The following CEP128 variants were observed in gnomAD, a reference collection of about 807,000 sequenced individuals.
CEP128 encodes the protein centrosomal protein 128kDa.
Under a neutral mutation model 156.7 loss-of-function variants are expected in CEP128, and 132 were observed. That is an observed-to-expected ratio of 0.84 (90% CI 0.73 to 0.97). CEP128 has a LOEUF of 0.97. Among genes scored for constraint, CEP128 ranks in the 50% least tolerant of loss-of-function variants. The probability of loss-of-function intolerance (pLI) is 0.00; values close to 1 mark genes in which losing one functional copy is unlikely to be tolerated. For synonymous variants in CEP128, 469 were observed against 448.9 expected (o/e 1.04, Z -0.57); for missense variants, 1,252 against 1,281.9 (o/e 0.98, Z 0.36).
At chr14:80,647,688 C>T (rs1209406924) in intron 19 of CEP128, among the ~76,000 whole-genome samples, 3 of 151,978 alleles carry the variant, frequency 2.0e-5, no homozygotes, top group South Asian at 2.1e-4. Flanking sequence ...TGGTGAATAG[C>T]GACCAGGCAT....
At chr14:80,828,123 C>CTTTTTTTTTTTTT (rs1008856396) in intron 13 of CEP128, among the ~76,000 whole-genome samples, 3 of 126,970 alleles carry the variant, frequency 2.4e-5, no homozygotes, top group African/African-American at 9.4e-5. Context: ...CTTCTTTTTT[C>CTTTTTTTTTTTTT]TTTTTTTTTT....
In CEP128 at chr14:80,862,833, C is replaced by G. The variant is rs1887582287; in HGVS notation, c.686G>C (p.Arg229Thr). The change falls in exon 9 of 25, where the codon AGA (arginine) becomes ACA (threonine). Residue 229 changes from arginine (R) to threonine (T), a missense_variant. Transcript: ENST00000555265. ...CAGCTCCCTTTCTGTGCGCATCTCT[C>G]TCTCCAGTTCCTGAAGCCGCCGCTC... is the stretch of plus-strand genomic sequence containing the variant. ...RVERRLQELE[R>T]EMRTERELVE... The G allele has an allele frequency of 6.2e-7, 1 of 1,613,954 alleles. No individual in the cohort carries two copies. The highest frequency in any genetic ancestry group is 1.3e-5 in the African/African-American group (1 of 74,936).
intron 19 of CEP128, among the ~76,000 whole-genome samples, chr14:80,688,419 A>G (rs919546242): frequency 5.9e-5 from 9 of 152,204 alleles, no homozygotes; most frequent in African/African-American, 2.2e-4. Flanking sequence ...TCAGTTATTC[A>G]CTAGCCTATT....
intron 9 of CEP128, among the ~76,000 whole-genome samples, chr14:80,847,980 C>T (rs1469012087): frequency 6.6e-6 from 1 of 152,140 alleles, no homozygotes; most frequent in Non-Finnish European, 1.5e-5. Context: ...TCAAGAAACA[C>T]TTACTGGGCC....
chr14:80,741,579 C>T (rs533087580), intron 19 of CEP128, among the ~76,000 whole-genome samples: 17 of 152,204 alleles, frequency 1.1e-4, no homozygotes, highest in South Asian at 6.2e-4. Flanking sequence ...ACTCCTTCTC[C>T]CAGGGCCTCA....
At chr14:80,733,503 G>A (rs1447979886) in intron 19 of CEP128, among the ~76,000 whole-genome samples, 2 of 152,032 alleles carry the variant, frequency 1.3e-5, no homozygotes, top group African/African-American at 4.8e-5. Context: ...AAACAGCTAA[G>A]AAAAACTTTG....
At chr14:80,663,402 A>G (rs1419331423) in intron 19 of CEP128, among the ~76,000 whole-genome samples, 2 of 152,172 alleles carry the variant, frequency 1.3e-5, no homozygotes, top group Non-Finnish European at 2.9e-5. Flanking sequence ...AGTTTTCAAA[A>G]CAGTACAATC....
intron 8 of CEP128, among the ~76,000 whole-genome samples, chr14:80,887,598 G>A (rs890417992): frequency 2.1e-4 from 32 of 152,154 alleles, no homozygotes; most frequent in African/African-American, 3.4e-4. Flanking sequence ...AAGACACAAC[G>A]TACCAGAATG....
At chr14:80,752,804 G>A (rs1305101064) in intron 18 of CEP128, among the ~76,000 whole-genome samples, 2 of 152,044 alleles carry the variant, frequency 1.3e-5, no homozygotes, top group Non-Finnish European at 2.9e-5. Flanking sequence ...AAACATCTTG[G>A]GCCTCAGCTT....
chr14:80,710,171 T>C (rs1954713537), intron 19 of CEP128, among the ~76,000 whole-genome samples: 2 of 152,108 alleles, frequency 1.3e-5, no homozygotes, highest in South Asian at 2.1e-4. Flanking sequence ...ATGCCATAAA[T>C]TGGTGCAAAC....
intron 2 of CEP128, among the ~76,000 whole-genome samples, chr14:80,938,334 C>T (rs564773564): frequency 6.7e-6 from 1 of 149,428 alleles, no homozygotes; most frequent in East Asian, 2.0e-4. Flanking sequence ...GCAAGCTCTG[C>T]CTCCTGGGTT....
rs1175844528 is a variant in CEP128, at chr14:80,771,288, G to A, written c.2376+6594C>T. Among the ~76,000 whole-genome samples, 4 of 152,074 alleles carry A rather than the reference G, an allele frequency of 2.6e-5. 1 individual carries two copies. On this transcript the variant is annotated intron_variant, in intron 16 of 24. Transcript: ENST00000555265. The stretch of plus-strand genomic sequence containing the variant: ...CAATGAAAAGAGAGTCATTTTGCTG[G>A]CAATAAATAAAGGAGAAGAATACAA...
intron 13 of CEP128, among the ~76,000 whole-genome samples, chr14:80,808,137 C>G (rs1245431991): frequency 1.3e-5 from 2 of 152,188 alleles, no homozygotes; most frequent in African/African-American, 4.8e-5. Context: ...AGTGAGATCC[C>G]CTCCCACTGG....
intron 19 of CEP128, among the ~76,000 whole-genome samples, chr14:80,587,283 AAAAC>A (rs1891860525): frequency 6.6e-6 from 1 of 152,168 alleles, no homozygotes; most frequent in Non-Finnish European, 1.5e-5. Flanking sequence ...CTTACCACAG[AAAAC>A]ACACAGGTTA....
chr14:80,928,835 T>C (rs1257465645), intron 2 of CEP128, among the ~76,000 whole-genome samples: 1 of 152,254 alleles, frequency 6.6e-6, no homozygotes, highest in African/African-American at 2.4e-5. Context: ...AACAAATTTA[T>C]GACTAAGACC....
intron 23 of CEP128, among the ~76,000 whole-genome samples, chr14:80,526,023 A>G (rs1207643005): frequency 6.6e-6 from 1 of 152,096 alleles, no homozygotes; most frequent in Non-Finnish European, 1.5e-5. Context: ...TGGAGTGCAC[A>G]TTTGAATATA....
chr14:80,623,203 G>A (rs901082684), intron 19 of CEP128, among the ~76,000 whole-genome samples: 4 of 150,982 alleles, frequency 2.6e-5, no homozygotes, highest in South Asian at 2.1e-4. Context: ...GTAAACTGTC[G>A]CAAGGACAAA....
At chr14:80,617,995 G>A (rs1893299817) in intron 19 of CEP128, among the ~76,000 whole-genome samples, 1 of 152,162 alleles carries the variant, frequency 6.6e-6, no homozygotes, top group African/African-American at 2.4e-5. Context: ...AATGGGGATG[G>A]ACTATTTTAA....
chr14:80,865,903 T>C (rs552560411), intron 8 of CEP128, among the ~76,000 whole-genome samples: 5 of 152,020 alleles, frequency 3.3e-5, no homozygotes, highest in Non-Finnish European at 7.4e-5. Flanking sequence ...TTGAGAAAAA[T>C]GCAGCCTGCA....
Sources: gnomAD v4.1 joint callset for allele counts (sites outside exome capture counted in the v4.1 genomes callset) on GRCh38, gnomAD v4.1.1 for gene constraint, MANE v1.5 for transcripts, NCBI Gene and HGNC (gene_info 2026-07-23, HGNC 2026-07-21) for gene names.